Variants in USP45 observed in about 807,000 individuals in gnomAD.
The protein encoded by USP45 is ubiquitin carboxyl-terminal hydrolase 45.
In USP45, 89 loss-of-function variants were observed where a neutral mutation model predicts 95.8. The observed-to-expected ratio is 0.93, with a 90% CI of 0.78 to 1.11. USP45 has a LOEUF of 1.11. USP45 is among the 50% of genes least tolerant of loss of function. The probability of loss-of-function intolerance (pLI) is 0.00; values close to 1 mark genes in which losing one functional copy is unlikely to be tolerated. For synonymous variants in USP45, 281 were observed against 316.2 expected (o/e 0.89, Z 1.18); for missense variants, 898 against 942.5 (o/e 0.95, Z 0.62).
At chr6:99,455,365 C>T (rs574656358) in intron 13 of USP45, among the ~76,000 whole-genome samples, 1 of 152,018 alleles carries the variant, frequency 6.6e-6, no homozygotes, top group East Asian at 1.9e-4. Context: ...GCATGAGAAT[C>T]ACTTGAACCC....
intron 7 of USP45, among the ~76,000 whole-genome samples, chr6:99,487,397 A>G (rs1794165238): frequency 6.6e-6 from 1 of 152,088 alleles, no homozygotes; most frequent in African/African-American, 2.4e-5. Context: ...AACATGGCCT[A>G]ACTGTTGGTG....
At position 99,515,404 on chromosome 6, in the gene USP45, G is replaced by GGCCGC. The variant is rs1301463251; in HGVS notation, c.-28_-24dup. ...GTTCTCAACTCACCCCGCCGGGCCG[G>GGCCGC]GCCGCAGCGTCTACAACCTGGGGAG... On this transcript the variant is annotated 5_prime_UTR_variant, in exon 1 of 18. Transcript: ENST00000500704. 6.6e-6 allele frequency: 1 copy of GGCCGC among 152,268 alleles called. No individual in the cohort carries two copies. Among genetic ancestry groups the GGCCGC allele is most frequent in the Non-Finnish European group, 1.5e-5 (1 of 68,082 alleles). 9.4% of individuals were successfully genotyped at this position (152,268 alleles called of 1,614,324 possible). A position where few individuals can be genotyped will look rare whatever the true frequency, so the allele number is the denominator to read the frequency against.
intron 16 of USP45, among the ~76,000 whole-genome samples, chr6:99,438,617 T>G (rs1416264407): frequency 1.3e-5 from 2 of 152,214 alleles, no homozygotes; most frequent in Non-Finnish European, 2.9e-5. Context: ...AAAATCACAT[T>G]TATGAGACAA....
At chr6:99,479,601 C>CAAAAAAAAAAAAAA in intron 8 of USP45, among the ~76,000 whole-genome samples, 1 of 117,070 alleles carries the variant, frequency 8.5e-6, no homozygotes, top group Non-Finnish European at 1.7e-5. Context: ...TTCCAACAGA[C>CAAAAAAAAAAAAAA]AAAAAAAAAA....
rs1184872870 is a variant in USP45, at chr6:99,476,130, A to T, written c.933+13T>A. On this transcript the variant is annotated intron_variant, in intron 9 of 17. Coordinates refer to ENST00000500704, the MANE Select transcript of USP45 (RefSeq NM_001346022.3). ...CTTGAAGAGAATACATGATATACAT[A>T]AAGAAACCTGACCTTTGTTTCTTCT... 2 of 1,610,018 alleles carry T rather than the reference A, an allele frequency of 1.2e-6. No homozygotes were observed. Among genetic ancestry groups the T allele is most frequent in the Non-Finnish European group, 1.7e-6 (2 of 1,177,116 alleles).
intron 1 of USP45, among the ~76,000 whole-genome samples, chr6:99,513,768 G>A (rs1441072194): frequency 6.6e-6 from 1 of 152,190 alleles, no homozygotes; most frequent in Non-Finnish European, 1.5e-5. Flanking sequence ...ATTTGGTACA[G>A]TAACCCAGAA....
intron 14 of USP45, among the ~76,000 whole-genome samples, chr6:99,445,288 G>T (rs964382460): frequency 7.9e-5 from 12 of 152,012 alleles, no homozygotes; most frequent in Middle Eastern, 3.2e-3. Flanking sequence ...TTCAAGACCA[G>T]CCTGGCCAAG....
At position 99,510,216 on chromosome 6, in the gene USP45, C is replaced by T. The variant is rs546020541; in HGVS notation, c.5G>A (p.Arg2Gln). 97 of 1,612,740 alleles carry T rather than the reference C, an allele frequency of 6.0e-5. 3 individuals are homozygous for T. In the South Asian group the frequency reaches 7.7e-4, roughly 13 times the overall value. The change falls in exon 2 of 18, where the codon CGG becomes CAG. Residue 2 changes from arginine (R) to glutamine (Q), a missense_variant. Arg to Gln is a conservative substitution (Grantham distance 43). Coordinates refer to ENST00000500704, the MANE Select transcript of USP45 (RefSeq NM_001346022.3). ...TAAAGCTTTAGTTGGATCTTTCACC[C>T]GCATCTGTTATTTACTGAAGGGATT... M[R>Q]VKDPTKALPE...
intron 13 of USP45, among the ~76,000 whole-genome samples, chr6:99,454,156 A>G (rs1374702367): frequency 6.6e-6 from 1 of 152,100 alleles, no homozygotes; most frequent in Non-Finnish European, 1.5e-5. Context: ...AAAGAAATCC[A>G]CATACTTACA....
intron 16 of USP45, among the ~76,000 whole-genome samples, chr6:99,437,621 A>G (rs1308045568): frequency 1.3e-5 from 2 of 152,182 alleles, no homozygotes; most frequent in Non-Finnish European, 2.9e-5. Context: ...ATGGGAATGC[A>G]AAGGGTACAA....
intron 13 of USP45, among the ~76,000 whole-genome samples, chr6:99,463,075 T>C (rs1786924210): frequency 6.6e-6 from 1 of 152,208 alleles, no homozygotes; most frequent in East Asian, 1.9e-4. Context: ...AAAGTTTTTT[T>C]TGCTGAAGTA....
At chr6:99,500,847 C>A (rs1797212025) in intron 5 of USP45, among the ~76,000 whole-genome samples, 1 of 152,186 alleles carries the variant, frequency 6.6e-6, no homozygotes, top group African/African-American at 2.4e-5. Flanking sequence ...TGAATCACTT[C>A]TACTGCTGTC....
intron 13 of USP45, among the ~76,000 whole-genome samples, chr6:99,448,676 C>T (rs780325320): frequency 6.6e-5 from 10 of 152,196 alleles, no homozygotes; most frequent in East Asian, 1.9e-4. Flanking sequence ...ATACAGAAAA[C>T]GCCACAAAGA....
Position 99,508,780 on chromosome 6 carries a change from C to T in USP45, c.103G>A (p.Gly35Ser). The change falls in exon 3 of 18, where the codon GGT becomes AGT. Residue 35 changes from glycine to serine, a missense_variant and splice_region_variant. Transcript: ENST00000500704. ...DEDSSDDIAV[G>S]LTCQHVSHAI... ...TGACTTACATGTTGGCAAGTTAAAC[C>T]TACTGAATAAGATAAAACAAAATCT... The T allele has an allele frequency of 6.2e-7, 1 of 1,608,656 alleles. No homozygotes were observed. Among genetic ancestry groups the T allele is most frequent in the Non-Finnish European group, 8.5e-7 (1 of 1,178,182 alleles).
In USP45 at chr6:99,482,738, T is replaced by A; in HGVS notation, c.845+15A>T. 6.3e-7 allele frequency: 1 copy of A among 1,579,450 alleles called. No individual in the cohort carries two copies. The highest frequency in any genetic ancestry group is 1.2e-5 in the South Asian group (1 of 83,386). The stretch of plus-strand genomic sequence containing the variant: ...GTAACTCATAATTATTTATATTAAA[T>A]GTAGATGCACCCACTTCTGACAAAG... On this transcript the variant is annotated intron_variant, in intron 8 of 17. Transcript: ENST00000500704.
At chr6:99,488,917 G>T (rs569691083) in intron 5 of USP45, 97 bp from the exon 6 acceptor site, 2 of 929,920 alleles carry the variant, frequency 2.2e-6, no homozygotes, top group Non-Finnish European at 2.9e-6. Context: ...ATTTAAATAA[G>T]ATTATCTCCC....
intron 7 of USP45, among the ~76,000 whole-genome samples, chr6:99,487,014 AAG>A (rs1377939092): frequency 1.3e-5 from 2 of 152,146 alleles, no homozygotes; most frequent in African/African-American, 4.8e-5. Flanking sequence ...GTGTCCTAGT[AAG>A]AGAGTGCTGT....
At chr6:99,470,017 C>T (rs150520681) in intron 9 of USP45, among the ~76,000 whole-genome samples, 3 of 152,096 alleles carry the variant, frequency 2.0e-5, no homozygotes, top group African/African-American at 4.8e-5. Flanking sequence ...GACAAGAACA[C>T]GGGATATAAA....
chr6:99,445,265 A>ACC (rs1277229464), intron 14 of USP45, among the ~76,000 whole-genome samples: 1 of 152,118 alleles, frequency 6.6e-6, no homozygotes, highest in Non-Finnish European at 1.5e-5. Context: ...CGGGTGGATC[A>ACC]TGAGGTCAGG....
Sources: gnomAD v4.1 joint callset for allele counts (sites outside exome capture counted in the v4.1 genomes callset) on GRCh38, gnomAD v4.1.1 for gene constraint, MANE v1.5 for transcripts, NCBI Gene and HGNC (gene_info 2026-07-23, HGNC 2026-07-21) for gene names.